The following KCNH1 variants were observed in gnomAD, a reference collection of about 807,000 sequenced individuals.
KCNH1 encodes the protein potassium voltage-gated channel subfamily H member 1, also known as voltage-gated delayed rectifier potassium channel KCNH1.
In KCNH1, 27 loss-of-function variants were observed where a neutral mutation model predicts 69.2. That is an observed-to-expected ratio of 0.39 (90% CI 0.29 to 0.54). The LOEUF (loss-of-function observed/expected upper bound fraction) is 0.54, where lower values mean the gene tolerates loss of function less well. Ranked by LOEUF, KCNH1 falls within the 20% of genes least tolerant of loss-of-function variation. KCNH1 has a pLI of 0.68. For synonymous variants in KCNH1, 456 were observed against 487.7 expected, an observed-to-expected ratio of 0.93 and a Z score of 0.86; for missense variants, 798 against 1,261.6, an observed-to-expected ratio of 0.63 and a Z score of 5.57.
chr1:211,019,284 A>C, intron 5 of KCNH1, 28 bp from the exon 6 acceptor site: 1 of 1,454,802 alleles, frequency 6.9e-7, no homozygotes, highest in Admixed American at 1.9e-5. Flanking sequence ...ACCAAGAGAG[A>C]ACTAAGTTAG....
chr1:210,768,740 A>G (rs576976393), intron 10 of KCNH1, among the ~76,000 whole-genome samples: 76 of 152,352 alleles, frequency 5.0e-4, no homozygotes, highest in African/African-American at 1.7e-3. Flanking sequence ...CCTTAAAAAT[A>G]GCCAGACATA....
At chr1:211,019,598 AATT>A (rs1244063435) in intron 5 of KCNH1, among the ~76,000 whole-genome samples, 1 of 152,180 alleles carries the variant, frequency 6.6e-6, no homozygotes, top group Admixed American at 6.5e-5. Context: ...TCTATTAGCC[AATT>A]ATTATTCCAT....
intron 6 of KCNH1, among the ~76,000 whole-genome samples, chr1:210,958,001 C>A (rs999245121): frequency 2.0e-5 from 3 of 152,198 alleles, no homozygotes; most frequent in African/African-American, 7.2e-5. Flanking sequence ...GCAGTTTCTT[C>A]ATAGCATCAA....
intron 5 of KCNH1, among the ~76,000 whole-genome samples, chr1:211,069,080 G>C (rs535365470): frequency 1.3e-5 from 2 of 152,178 alleles, no homozygotes; most frequent in Non-Finnish European, 2.9e-5. Flanking sequence ...TCTTAACAAG[G>C]CCTGACCTCA....
chr1:210,984,172 T>C (rs1180486034), intron 6 of KCNH1, among the ~76,000 whole-genome samples: 3 of 152,228 alleles, frequency 2.0e-5, no homozygotes, highest in African/African-American at 7.2e-5. Flanking sequence ...GATTTTCAGC[T>C]GGGAAGACAA....
chr1:210,953,935 A>G (rs1365820380), intron 6 of KCNH1, among the ~76,000 whole-genome samples: 1 of 152,144 alleles, frequency 6.6e-6, no homozygotes, highest in African/African-American at 2.4e-5. Context: ...TCTAGGGTAC[A>G]TGTGTACAAT....
At chr1:211,081,261 C>T (rs554074306) in intron 5 of KCNH1, among the ~76,000 whole-genome samples, 134 of 152,262 alleles carry the variant, frequency 8.8e-4, no homozygotes, top group African/African-American at 3.0e-3. Flanking sequence ...ATCAAAACCA[C>T]GATGAGATAC....
intron 10 of KCNH1, among the ~76,000 whole-genome samples, chr1:210,719,024 G>A (rs150926479): frequency 1.1e-4 from 17 of 152,180 alleles, no homozygotes; most frequent in African/African-American, 3.6e-4. Context: ...AAATGCCTTC[G>A]CACCATGTAA....
chr1:211,030,473 T>C (rs1689762267), intron 5 of KCNH1, among the ~76,000 whole-genome samples: 1 of 152,150 alleles, frequency 6.6e-6, no homozygotes, highest in Non-Finnish European at 1.5e-5. Flanking sequence ...ACTCAACTAA[T>C]TTTTCACAAT....
chr1:210,714,126 A>G (rs1019018571), intron 10 of KCNH1, among the ~76,000 whole-genome samples: 2 of 152,192 alleles, frequency 1.3e-5, no homozygotes, highest in Non-Finnish European at 2.9e-5. Context: ...GAGAGAGGCA[A>G]CTGGGGTCAC....
intron 6 of KCNH1, among the ~76,000 whole-genome samples, chr1:210,953,128 G>A (rs1241055592): frequency 1.3e-5 from 2 of 152,086 alleles, no homozygotes; most frequent in African/African-American, 2.4e-5. Flanking sequence ...TATACCTATA[G>A]CTACCTTTCT....
intron 6 of KCNH1, among the ~76,000 whole-genome samples, chr1:210,933,094 C>T (rs1268907128): frequency 6.6e-6 from 1 of 152,126 alleles, no homozygotes; most frequent in African/African-American, 2.4e-5. Flanking sequence ...TCCAGGATAG[C>T]AAAGACTTGG....
In KCNH1 at chr1:211,133,528, G is replaced by A. The variant is rs1691915671; in HGVS notation, c.79+339C>T. On this transcript the variant is annotated intron_variant, in intron 1 of 10. Transcript: ENST00000271751. This position sits in a 1 kb window ranked among gnomAD's most constrained non-coding sequence, Gnocchi z 5.4. The stretch of plus-strand genomic sequence containing the variant: ...GAAGGGTGGGCAGTGCCGATGGGGC[G>A]CGCGCTGCCGCTCCGGCTGCAGCCA... 6.6e-6 allele frequency among the ~76,000 whole-genome samples: 1 copy of A among 152,168 alleles called. No individual in the cohort carries two copies. The highest frequency in any genetic ancestry group is 2.4e-5 in the African/African-American group (1 of 41,456).
At chr1:210,998,566 G>C (rs1558561093) in intron 6 of KCNH1, among the ~76,000 whole-genome samples, 1 of 152,178 alleles carries the variant, frequency 6.6e-6, no homozygotes, top group Non-Finnish European at 1.5e-5. Flanking sequence ...AATAGTGGGA[G>C]ACTTTAACAC....
intron 7 of KCNH1, among the ~76,000 whole-genome samples, chr1:210,865,464 T>C (rs1358436343): frequency 1.3e-5 from 2 of 152,150 alleles, no homozygotes; most frequent in Non-Finnish European, 2.9e-5. Flanking sequence ...TTAGAGAACA[T>C]TTTGGGTCAA....
intron 10 of KCNH1, among the ~76,000 whole-genome samples, chr1:210,716,841 A>C (rs1355044927): frequency 6.6e-6 from 1 of 152,182 alleles, no homozygotes; most frequent in Non-Finnish European, 1.5e-5. Context: ...GATAATCACG[A>C]GTTGCTATGA....
intron 4 of KCNH1, among the ~76,000 whole-genome samples, chr1:211,085,475 T>G (rs1571634703): frequency 6.9e-6 from 1 of 144,164 alleles, no homozygotes; most frequent in Non-Finnish European, 1.5e-5. Flanking sequence ...AAGTGGATAG[T>G]GGGCTAGAAA....
In KCNH1 at chr1:210,861,837, G is replaced by A. The variant is rs1685984757; in HGVS notation, c.1463-57671C>T. ...CATAAGTTTTCACAAGCTGATAAAG[G>A]CAAATAATTCCTATCCAACAAGCAC... On this transcript the variant is annotated intron_variant, in intron 7 of 10. Coordinates refer to ENST00000271751, the MANE Select transcript of KCNH1 (RefSeq NM_172362.3). 7 of 758,422 alleles carry A rather than the reference G, an allele frequency of 9.2e-6. No homozygotes were observed. In the South Asian group the frequency reaches 9.8e-5, roughly 11 times the overall value. 47.0% of individuals were successfully genotyped at this position (758,422 alleles called of 1,614,324 possible). A position where few individuals can be genotyped will look rare whatever the true frequency, so the allele number is the denominator to read the frequency against.
intron 10 of KCNH1, among the ~76,000 whole-genome samples, chr1:210,746,087 T>C (rs1195546412): frequency 1.3e-5 from 2 of 152,138 alleles, no homozygotes; most frequent in East Asian, 3.9e-4. Context: ...TAGTTGATCC[T>C]GTTATTGATA....
Sources: gnomAD v4.1 joint callset for allele counts (sites outside exome capture counted in the v4.1 genomes callset) on GRCh38, gnomAD v4.1.1 for gene constraint, Gnocchi (gnomAD v3.1) non-coding constraint, MANE v1.5 for transcripts, NCBI Gene and HGNC (gene_info 2026-07-23, HGNC 2026-07-21) for gene names.